EFCAB6: variants seen among roughly 807,000 people sequenced by gnomAD.
EFCAB6 encodes EF-hand calcium binding domain 6.
Under a neutral mutation model 169.8 loss-of-function variants are expected in EFCAB6, and 156 were observed. The observed-to-expected ratio is 0.92, with a 90% CI of 0.81 to 1.05. EFCAB6 has a LOEUF of 1.05. Among genes scored for constraint, EFCAB6 ranks in the 50% least tolerant of loss-of-function variants. EFCAB6 has a pLI of 0.00. For missense variants in EFCAB6, 1,800 were observed against 1,829.1 expected (o/e 0.98, Z 0.29); for synonymous variants, 698 against 676.4 (o/e 1.03, Z -0.50).
At chr22:43,585,967 T>C (rs1047298770) in intron 24 of EFCAB6, among the ~76,000 whole-genome samples, 2 of 151,974 alleles carry the variant, frequency 1.3e-5, no homozygotes, top group Non-Finnish European at 2.9e-5. Flanking sequence ...CTCAGACAAA[T>C]AAAACTGAGA....
At chr22:43,742,437 C>CCTAT (rs2147754840) in intron 6 of EFCAB6, among the ~76,000 whole-genome samples, 1 of 152,330 alleles carries the variant, frequency 6.6e-6, no homozygotes, top group Non-Finnish European at 1.5e-5. Flanking sequence ...ACTCCTCCAC[C>CCTAT]CTATACACCA....
At chr22:43,619,080 A>G (rs1317466834) in intron 20 of EFCAB6, among the ~76,000 whole-genome samples, 1 of 152,176 alleles carries the variant, frequency 6.6e-6, no homozygotes, top group East Asian at 1.9e-4. Flanking sequence ...GAGAGCTAGA[A>G]GAAAGGACAT....
At chr22:43,797,675 A>G (rs1329685618) in intron 2 of EFCAB6, among the ~76,000 whole-genome samples, 1 of 151,956 alleles carries the variant, frequency 6.6e-6, no homozygotes, top group Non-Finnish European at 1.5e-5. Flanking sequence ...AACAACCAGC[A>G]TAATCATTTC....
intron 16 of EFCAB6, among the ~76,000 whole-genome samples, chr22:43,667,895 C>T (rs1396578045): frequency 1.3e-5 from 2 of 152,162 alleles, no homozygotes; most frequent in South Asian, 2.1e-4. Context: ...AAGTCTCTTG[C>T]GCCCCATATT....
chr22:43,645,175 T>A (rs2056075990), intron 17 of EFCAB6, among the ~76,000 whole-genome samples: 1 of 152,226 alleles, frequency 6.6e-6, no homozygotes. Flanking sequence ...TTGCTGCTGT[T>A]TAAGTTGCCA....
intron 17 of EFCAB6, among the ~76,000 whole-genome samples, chr22:43,656,138 C>G (rs1047519165): frequency 1.1e-4 from 16 of 152,120 alleles, no homozygotes; most frequent in African/African-American, 3.9e-4. Flanking sequence ...CGCATGTAAT[C>G]TCAGCACTTT....
intron 17 of EFCAB6, among the ~76,000 whole-genome samples, chr22:43,654,387 C>G (rs139922404): frequency 5.9e-5 from 9 of 152,320 alleles, no homozygotes; most frequent in Middle Eastern, 3.4e-3. Context: ...GTAGTGAAAC[C>G]TCTGCCAGGT....
intron 13 of EFCAB6, 145 bp from the exon 14 acceptor site, chr22:43,672,450 T>A (rs150858534): frequency 1.4e-6 from 1 of 721,870 alleles, no homozygotes; most frequent in Non-Finnish European, 2.3e-6. Flanking sequence ...GAGCTTGCCC[T>A]CTAATACCCA....
intron 17 of EFCAB6, among the ~76,000 whole-genome samples, chr22:43,638,574 C>T (rs886905139): frequency 6.6e-6 from 1 of 152,162 alleles, no homozygotes; most frequent in Non-Finnish European, 1.5e-5. Flanking sequence ...CCTTTCTAAA[C>T]GCAACCCCTG....
intron 2 of EFCAB6, among the ~76,000 whole-genome samples, chr22:43,794,017 C>CT (rs1409900545): frequency 6.6e-6 from 1 of 151,952 alleles, no homozygotes; most frequent in Non-Finnish European, 1.5e-5. Flanking sequence ...ACTTTGAGAC[C>CT]TTTTTTCAGA....
chr22:43,588,206 T>C (rs572773307), intron 24 of EFCAB6, among the ~76,000 whole-genome samples: 1 of 152,348 alleles, frequency 6.6e-6, no homozygotes, highest in Non-Finnish European at 1.5e-5. Flanking sequence ...CCTATCTGTG[T>C]AGAACTTCTA....
At chr22:43,712,017 G>A (rs987677913) in intron 9 of EFCAB6, among the ~76,000 whole-genome samples, 1 of 152,058 alleles carries the variant, frequency 6.6e-6, no homozygotes, top group Admixed American at 6.6e-5. Context: ...AAAAAAGCTG[G>A]TAATATTTTA....
intron 23 of EFCAB6, among the ~76,000 whole-genome samples, chr22:43,594,128 A>T (rs745539921): frequency 6.6e-6 from 1 of 152,012 alleles, no homozygotes; most frequent in Non-Finnish European, 1.5e-5. Flanking sequence ...ATACAAAATT[A>T]GCCAGGTGTG....
chr22:43,609,106 T>C (rs532555909), intron 21 of EFCAB6, among the ~76,000 whole-genome samples: 213 of 152,320 alleles, frequency 1.4e-3, no homozygotes, highest in African/African-American at 5.0e-3. Context: ...CTAACACGTG[T>C]GGTTCTCAGC....
intron 2 of EFCAB6, among the ~76,000 whole-genome samples, chr22:43,801,512 A>G (rs1401654466): frequency 6.6e-6 from 1 of 152,216 alleles, no homozygotes; most frequent in Non-Finnish European, 1.5e-5. Context: ...TAAAAACAAT[A>G]ATAGCTACTA....
At chr22:43,564,065 T>C (rs1350854937) in intron 26 of EFCAB6, among the ~76,000 whole-genome samples, 4 of 152,292 alleles carry the variant, frequency 2.6e-5, no homozygotes, top group African/African-American at 2.4e-5. Context: ...ATCTGAGAAA[T>C]GGGGATAACC....
Position 43,528,780 on chromosome 22 carries a change from C to A in EFCAB6, c.*73G>T. On this transcript the variant is annotated 3_prime_UTR_variant, in exon 32 of 32. Coordinates refer to ENST00000262726, the MANE Select transcript of EFCAB6 (RefSeq NM_022785.4). ...TTTTTTTGAAAATTCATGAAACCCC[C>A]AAATTATAGGATTTTATTAGCCTTG... The A allele has an allele frequency of 2.0e-6, 3 of 1,480,422 alleles. No homozygotes were observed. Among genetic ancestry groups the A allele is most frequent in the Non-Finnish European group, 2.7e-6 (3 of 1,099,444 alleles). 91.7% of individuals were successfully genotyped at this position (1,480,422 alleles called of 1,614,324 possible).
chr22:43,624,206 C>G lies in EFCAB6; in HGVS notation c.2465+2241G>C, dbSNP rs2054330220. On this transcript the variant is annotated intron_variant, in intron 20 of 31. Transcript: ENST00000262726. ...CAGGAAACACAACACAGGGCATGGC[C>G]AGGGTGGGCTTAGCTTTCTGAAGCA... Among the ~76,000 whole-genome samples the G allele has an allele frequency of 2.0e-5, 3 of 152,310 alleles. No homozygotes were observed. In the South Asian group the frequency reaches 6.2e-4, roughly 32 times the overall value.
chr22:43,548,488 C>T (rs556621434), intron 27 of EFCAB6, among the ~76,000 whole-genome samples: 5 of 124,124 alleles, frequency 4.0e-5, no homozygotes, highest in Admixed American at 3.3e-4. Flanking sequence ...TGCAGTGAGC[C>T]GAGATCAAGC....
Sources: gnomAD v4.1 joint callset for allele counts (sites outside exome capture counted in the v4.1 genomes callset) on GRCh38, gnomAD v4.1.1 for gene constraint, MANE v1.5 for transcripts, NCBI Gene and HGNC (gene_info 2026-07-23, HGNC 2026-07-21) for gene names.